The following IMPG1 variants were observed in gnomAD, a reference collection of about 807,000 sequenced individuals.
The protein encoded by IMPG1 is interphotoreceptor matrix proteoglycan of 150 kDa.
Under a neutral mutation model 92.0 loss-of-function variants are expected in IMPG1, and 85 were observed. That is an observed-to-expected ratio of 0.92 (90% CI 0.78 to 1.11). IMPG1 has a LOEUF of 1.11. Among genes scored for constraint, IMPG1 ranks in the 50% least tolerant of loss-of-function variants. The probability of loss-of-function intolerance (pLI) is 0.00; values close to 1 mark genes in which losing one functional copy is unlikely to be tolerated. For missense variants in IMPG1, 1,022 were observed against 956.0 expected (o/e 1.07, Z -0.91); for synonymous variants, 367 against 334.1 (o/e 1.10, Z -1.08).
At chr6:76,008,475 C>A (rs932180008) in intron 8 of IMPG1, among the ~76,000 whole-genome samples, 1 of 152,168 alleles carries the variant, frequency 6.6e-6, no homozygotes, top group Non-Finnish European at 1.5e-5. Context: ...TAACTTTCAT[C>A]CCCAGATATC....
intron 12 of IMPG1, among the ~76,000 whole-genome samples, chr6:75,959,592 A>G (rs900552712): frequency 6.6e-6 from 1 of 152,070 alleles, no homozygotes; most frequent in Non-Finnish European, 1.5e-5. Context: ...CAGAGAGGCA[A>G]TCTGGCTACA....
At chr6:75,953,611 T>C (rs2149458720) in intron 12 of IMPG1, among the ~76,000 whole-genome samples, 1 of 151,360 alleles carries the variant, frequency 6.6e-6, no homozygotes, top group South Asian at 2.1e-4. Flanking sequence ...CTTTTTATTA[T>C]TTATTTATAT....
At chr6:76,021,778 C>CGTATATATATATATATATATATAT (rs1554234867) in intron 6 of IMPG1, among the ~76,000 whole-genome samples, 1 of 49,486 alleles carries the variant, frequency 2.0e-5, no homozygotes, top group Non-Finnish European at 3.7e-5. Context: ...ACTTGGAGAG[C>CGTATATATATATATATATATATAT]ATATATATAT....
intron 12 of IMPG1, among the ~76,000 whole-genome samples, chr6:75,992,424 T>C (rs1055812523): frequency 2.2e-4 from 33 of 152,346 alleles, no homozygotes; most frequent in African/African-American, 7.5e-4. Context: ...GGGTGTTTCA[T>C]TTCATGGTGA....
intron 12 of IMPG1, among the ~76,000 whole-genome samples, chr6:75,992,036 C>CT (rs1484789237): frequency 6.6e-6 from 1 of 152,192 alleles, no homozygotes; most frequent in East Asian, 1.9e-4. Context: ...TCAGTGGACT[C>CT]TGAGTAAAGC....
chr6:76,026,202 A>G (rs909177940), intron 4 of IMPG1, among the ~76,000 whole-genome samples: 2 of 152,090 alleles, frequency 1.3e-5, no homozygotes, highest in African/African-American at 4.8e-5. Context: ...ACCCTGCTTT[A>G]CTCACCCTTC....
chr6:75,930,533 A>C (rs1385969876), intron 15 of IMPG1, among the ~76,000 whole-genome samples: 1 of 152,182 alleles, frequency 6.6e-6, no homozygotes, highest in Non-Finnish European at 1.5e-5. Context: ...CAGCTTTCTT[A>C]TGATGAAAGC....
At chr6:76,034,845 A>G in intron 2 of IMPG1, 58 bp from the exon 3 acceptor site, 2 of 1,436,358 alleles carry the variant, frequency 1.4e-6, no homozygotes, top group South Asian at 1.3e-5. Context: ...CCCAATCCCA[A>G]GCAAAGTCTA....
intron 4 of IMPG1, among the ~76,000 whole-genome samples, chr6:76,027,422 G>A (rs1783561312): frequency 6.6e-6 from 1 of 152,184 alleles, no homozygotes; most frequent in South Asian, 2.1e-4. Flanking sequence ...AAAATTGTTA[G>A]GAGTTAACAT....
chr6:75,927,954 A>G (rs1781587162), intron 15 of IMPG1, among the ~76,000 whole-genome samples: 1 of 152,080 alleles, frequency 6.6e-6, no homozygotes, highest in Non-Finnish European at 1.5e-5. Flanking sequence ...TTATTTCCAG[A>G]TCACCTTATG....
chr6:76,037,117 T>C (rs1433162538), intron 2 of IMPG1, among the ~76,000 whole-genome samples: 1 of 152,208 alleles, frequency 6.6e-6, no homozygotes, highest in Non-Finnish European at 1.5e-5. Context: ...GAAACACTGC[T>C]GTGCTGAGAA....
chr6:75,972,144 A>G (rs1038020088), intron 12 of IMPG1, among the ~76,000 whole-genome samples: 14 of 152,160 alleles, frequency 9.2e-5, no homozygotes, highest in African/African-American at 3.1e-4. Flanking sequence ...TCTTGTTGCA[A>G]GCAGATGAAT....
intron 12 of IMPG1, among the ~76,000 whole-genome samples, chr6:75,976,687 G>A (rs1449166274): frequency 9.9e-5 from 15 of 151,904 alleles, no homozygotes; most frequent in South Asian, 2.1e-4. Context: ...TGAGGCGGGC[G>A]GATCACAAGG....
At chr6:76,040,049 T>C (rs902941429) in intron 2 of IMPG1, among the ~76,000 whole-genome samples, 3 of 152,232 alleles carry the variant, frequency 2.0e-5, no homozygotes, top group Non-Finnish European at 2.9e-5. Context: ...GCTTTGTAGC[T>C]GGGTCTTATT....
chr6:75,948,845 T>C (rs1188783012), intron 13 of IMPG1, among the ~76,000 whole-genome samples: 2 of 152,202 alleles, frequency 1.3e-5, no homozygotes, highest in Non-Finnish European at 2.9e-5. Flanking sequence ...TGGTGTCTTT[T>C]GCTTAGGAGA....
chr6:76,067,387 C>T (rs1208013768), intron 1 of IMPG1, among the ~76,000 whole-genome samples: 1 of 151,902 alleles, frequency 6.6e-6, no homozygotes, highest in Non-Finnish European at 1.5e-5. Flanking sequence ...TACAAAAGAT[C>T]ATCAGAAACT....
Position 76,034,634 on chromosome 6 carries a change from T to G in IMPG1, c.455A>C (p.Asp152Ala). The G allele has an allele frequency of 6.2e-7, 1 of 1,614,136 alleles. No individual in the cohort carries two copies. The highest frequency in any genetic ancestry group is 1.1e-5 in the South Asian group (1 of 91,086). The change falls in exon 3 of 17, where the codon GAT (aspartate) becomes GCT (alanine). Residue 152 changes from aspartate (D) to alanine (A), a missense_variant. This residue lies in a region of IMPG1 where 681 missense variants were observed against 583.6 expected (regional missense o/e 1.17). Coordinates refer to ENST00000369950, the MANE Select transcript of IMPG1 (RefSeq NM_001563.4). The part of the protein sequence containing the change: ...KNFSNSQEHL[D>A]LLQQRIKQRS... ...GTTTAGGCTCACCTGCTGGAGAAGA[T>G]CCAGGTGCTCCTGGGAATTGCTGAA...
At chr6:75,945,615 T>C (rs917813723) in intron 14 of IMPG1, among the ~76,000 whole-genome samples, 3 of 152,214 alleles carry the variant, frequency 2.0e-5, no homozygotes, top group African/African-American at 7.2e-5. Flanking sequence ...CCTCCCAAAG[T>C]GCTGGGATTA....
intron 8 of IMPG1, among the ~76,000 whole-genome samples, chr6:76,010,168 A>G (rs1783161068): frequency 6.6e-6 from 1 of 152,248 alleles, no homozygotes; most frequent in African/African-American, 2.4e-5. Flanking sequence ...AGCTCCCTGC[A>G]AAGCTATTTC....
Sources: gnomAD v4.1 joint callset for allele counts (sites outside exome capture counted in the v4.1 genomes callset) on GRCh38, gnomAD v4.1.1 for gene constraint, gnomAD v4.1.1 regional missense constraint, MANE v1.5 for transcripts, NCBI Gene and HGNC (gene_info 2026-07-23, HGNC 2026-07-21) for gene names.